Variants in NEO1 observed in about 807,000 individuals in gnomAD.
NEO1 encodes the protein neogenin 1.
Under a neutral mutation model 159.7 loss-of-function variants are expected in NEO1, and 63 were observed. The observed-to-expected ratio is 0.39, with a 90% CI of 0.32 to 0.49. The LOEUF is 0.49. NEO1 is among the 20% of genes least tolerant of loss of function. NEO1 has a pLI of 0.85. For missense variants in NEO1, 1,615 were observed against 1,831.0 expected (o/e 0.88, Z 2.15); for synonymous variants, 633 against 662.0 (o/e 0.96, Z 0.67).
At chr15:73,173,259 G>A (rs566606569) in intron 5 of NEO1, among the ~76,000 whole-genome samples, 1 of 152,186 alleles carries the variant, frequency 6.6e-6, no homozygotes, top group South Asian at 2.1e-4. Context: ...TCTGGGGAGT[G>A]GAACACTAAA....
chr15:73,213,711 A>G (rs1475856821), intron 7 of NEO1, among the ~76,000 whole-genome samples: 1 of 152,194 alleles, frequency 6.6e-6, no homozygotes, highest in Non-Finnish European at 1.5e-5. Flanking sequence ...ACAGTTGCGA[A>G]TTGTGCTGCT....
chr15:73,097,357 C>CTTTTTTT (rs34372480), intron 1 of NEO1, among the ~76,000 whole-genome samples: 10 of 102,958 alleles, frequency 9.7e-5, no homozygotes, highest in Non-Finnish European at 1.5e-4. Flanking sequence ...GTCAGAGCCT[C>CTTTTTTT]TTTTTTTTTT....
In NEO1 at chr15:73,288,345, C is replaced by G. The variant is rs1048863959; in HGVS notation, c.3443C>G (p.Ser1148Cys). 6.2e-6 allele frequency: 10 copies of G among 1,613,918 alleles called. No individual in the cohort carries two copies. The Admixed American group carries it at 1.7e-4, about 27-fold the overall frequency. ...GCTGCCTGCAAATCAGTGAATGGCT[C>G]TCATAAGTACAAAGGGAATTCCAAA... ...KRAACKSVNGSHKYKGNSKDV... is the reference protein window; with the variant it reads ...KRAACKSVNGCHKYKGNSKDV... The change falls in exon 24 of 29, where the codon TCT (serine) becomes TGT (cysteine). Residue 1148 changes from serine to cysteine, a missense_variant. Transcript: ENST00000261908.
At chr15:73,183,258 C>G (rs1596283952) in intron 7 of NEO1, among the ~76,000 whole-genome samples, 1 of 152,002 alleles carries the variant, frequency 6.6e-6, no homozygotes, top group East Asian at 1.9e-4. Flanking sequence ...AAAGGCCTTC[C>G]CATTTACTCA....
intron 5 of NEO1, chr15:73,162,294 G>T: frequency 4.7e-6 from 1 of 213,742 alleles, no homozygotes; most frequent in Non-Finnish European, 9.9e-6. Context: ...CAAAGGCCAT[G>T]GGTGGTGTTA....
chr15:73,070,127 G>A (rs1386434484), intron 1 of NEO1, among the ~76,000 whole-genome samples: 1 of 152,190 alleles, frequency 6.6e-6, no homozygotes, highest in Non-Finnish European at 1.5e-5. Flanking sequence ...AACAAGAATA[G>A]TACAATTTAG....
intron 9 of NEO1, among the ~76,000 whole-genome samples, chr15:73,246,168 C>T (rs1263291109): frequency 1.3e-5 from 2 of 152,124 alleles, no homozygotes; most frequent in African/African-American, 4.8e-5. Context: ...TGAGTATCCC[C>T]TATACTGGGT....
Position 73,109,454 on chromosome 15 carries a change from C to CT in NEO1, c.131-7079dup, listed in dbSNP as rs1387043353. On this transcript the variant is annotated intron_variant, in intron 1 of 28. Transcript: ENST00000261908. ...TCTGCCTTACTTTACTGTCCCATAG[C>CT]TTTTTTTAGTGTCTTTTTGCAGGGA... Among the ~76,000 whole-genome samples, 3 of 152,140 alleles carry CT rather than the reference C, an allele frequency of 2.0e-5. No individual in the cohort carries two copies. In the East Asian group the frequency reaches 5.8e-4, roughly 29 times the overall value.
chr15:73,177,143 A>T (rs2035324341), intron 6 of NEO1, among the ~76,000 whole-genome samples: 1 of 152,196 alleles, frequency 6.6e-6, no homozygotes, highest in East Asian at 1.9e-4. Context: ...GTATTTAAGA[A>T]TACTCAGCCA....
Position 73,249,200 on chromosome 15 carries a change from A to G in NEO1, c.1747A>G (p.Lys583Glu), listed in dbSNP as rs2039949021. 1.9e-6 allele frequency: 3 copies of G among 1,613,874 alleles called. No homozygotes were observed. Among genetic ancestry groups the G allele is most frequent in the Non-Finnish European group, 2.5e-6 (3 of 1,179,882 alleles). Residue 583 changes from lysine to glutamate, a missense_variant, in exon 10 of 29, where the codon AAA becomes GAA. Coordinates refer to ENST00000261908, the MANE Select transcript of NEO1 (RefSeq NM_002499.4). Reference protein sequence around the residue: ...KLYYMEKGTDKEQDVDVSSHS... With the variant: ...KLYYMEKGTDEEQDVDVSSHS... Reference sequence around the variant, plus strand: ...GTACTACATGGAAAAGGGGACTGATAAAGAACAGGTATGAAGTGAAGCAAC... The same window carrying G: ...GTACTACATGGAAAAGGGGACTGATGAAGAACAGGTATGAAGTGAAGCAAC...
chr15:73,201,919 C>CT (rs901752742), intron 7 of NEO1, among the ~76,000 whole-genome samples: 1 of 133,468 alleles, frequency 7.5e-6, no homozygotes, highest in Non-Finnish European at 1.6e-5. Flanking sequence ...GGTATTCCAT[C>CT]TTTCTTTTGA....
At position 73,087,570 on chromosome 15, in the gene NEO1, A is replaced by T. The variant is rs935256837; in HGVS notation, c.131-28970A>T. 2.0e-5 allele frequency among the ~76,000 whole-genome samples: 3 copies of T among 152,160 alleles called. No individual in the cohort carries two copies. The East Asian group carries it at 5.8e-4, about 29-fold the overall frequency. On this transcript the variant is annotated intron_variant, in intron 1 of 28. Transcript: ENST00000261908. ...TATTTTCTGGAAAAGATCATGTGGA[A>T]TGTTATTTCTTCTTTAACTGTTTAG...
chr15:73,273,981 G>A lies in NEO1; in HGVS notation c.3136G>A (p.Ala1046Thr). Residue 1046 changes from alanine (A) to threonine (T), a missense_variant, in exon 20 of 29, where the codon GCT becomes ACT. This residue lies in a region of NEO1 where 126 missense variants were observed against 216.7 expected (regional missense o/e 0.58). Coordinates refer to ENST00000261908, the MANE Select transcript of NEO1 (RefSeq NM_002499.4). ...AAAGGGCATGGGACCCATGTCTGAA[G>A]CTGTCCAATTCAGAACACCTAAAGG... ...NSKGMGPMSE[A>T]VQFRTPKADS... is the part of the protein sequence containing the mutation. 1.2e-6 allele frequency: 2 copies of A among 1,614,018 alleles called. No individual in the cohort carries two copies. Among genetic ancestry groups the A allele is most frequent in the Non-Finnish European group, 8.5e-7 (1 of 1,179,956 alleles).
chr15:73,295,147 A>ATATATATATATATATATATATATATAT (rs1238740275), intron 26 of NEO1, among the ~76,000 whole-genome samples: 4 of 100,568 alleles, frequency 4.0e-5, no homozygotes, highest in East Asian at 5.0e-4. Context: ...TATATATGTA[A>ATATATATATATATATATATATATATAT]AAATTTGGCC....
At chr15:73,204,121 T>TC (rs2037076458) in intron 7 of NEO1, among the ~76,000 whole-genome samples, 1 of 71,624 alleles carries the variant, frequency 1.4e-5, no homozygotes. Flanking sequence ...GGTTGGTGGG[T>TC]TTTTTTTTCA....
intron 1 of NEO1, among the ~76,000 whole-genome samples, chr15:73,089,645 C>T (rs2069569990): frequency 6.6e-6 from 1 of 151,334 alleles, no homozygotes; most frequent in Non-Finnish European, 1.5e-5. Flanking sequence ...CATTTAAAGG[C>T]TTCCCAGTGT....
At chr15:73,161,966 G>GTT in intron 5 of NEO1, 1 of 209,476 alleles carries the variant, frequency 4.8e-6, no homozygotes, top group Non-Finnish European at 1.0e-5. Context: ...AAGTTTGTTT[G>GTT]TTTTTTTTTC....
At chr15:73,189,150 T>C (rs2036100093) in intron 7 of NEO1, among the ~76,000 whole-genome samples, 1 of 152,174 alleles carries the variant, frequency 6.6e-6, no homozygotes, top group African/African-American at 2.4e-5. Flanking sequence ...ATCTTACCCA[T>C]TGAATTTTAT....
chr15:73,149,604 T>G (rs2033210398), intron 5 of NEO1, among the ~76,000 whole-genome samples: 1 of 132,034 alleles, frequency 7.6e-6, no homozygotes, highest in Non-Finnish European at 1.8e-5. Context: ...GTGCAGAAAG[T>G]AGAAGGAAAA....
Sources: allele counts gnomAD v4.1 joint callset (sites outside exome capture counted in the v4.1 genomes callset), GRCh38; gene constraint gnomAD v4.1.1; regional missense constraint gnomAD v4.1.1; transcripts MANE v1.5; gene names NCBI Gene and HGNC (gene_info 2026-07-23, HGNC 2026-07-21).